The following CSMD1 variants were observed in gnomAD, a reference collection of about 807,000 sequenced individuals.
The protein encoded by CSMD1 is CUB and Sushi multiple domains 1, also known as CUB and sushi domain-containing protein 1.
Under a neutral mutation model 417.5 loss-of-function variants are expected in CSMD1, and 213 were observed. That is an observed-to-expected ratio of 0.51 (90% CI 0.46 to 0.57). CSMD1 has a LOEUF of 0.57. Ranked by LOEUF, CSMD1 falls within the 20% of genes least tolerant of loss-of-function variation. The probability of loss-of-function intolerance (pLI) is 0.00; values close to 1 mark genes in which losing one functional copy is unlikely to be tolerated. For synonymous variants in CSMD1, 2,862 were observed against 1,736.8 expected, an observed-to-expected ratio of 1.65 and a Z score of -16.11; for missense variants, 6,923 against 4,529.7, an observed-to-expected ratio of 1.53 and a Z score of -15.17.
intron 28 of CSMD1, among the ~76,000 whole-genome samples, chr8:3,221,470 C>A (rs746682986): frequency 1.3e-5 from 2 of 152,024 alleles, no homozygotes; most frequent in African/African-American, 4.8e-5. Context: ...CAATATTTGG[C>A]TTAGTTAATT....
intron 3 of CSMD1, among the ~76,000 whole-genome samples, chr8:4,213,533 C>G (rs948110496): frequency 6.6e-6 from 1 of 152,202 alleles, no homozygotes; most frequent in Non-Finnish European, 1.5e-5. Context: ...GTAGAAATGA[C>G]AGACACACAA....
intron 3 of CSMD1, among the ~76,000 whole-genome samples, chr8:4,390,284 G>A (rs1376999616): frequency 6.6e-6 from 1 of 151,958 alleles, no homozygotes; most frequent in Admixed American, 6.6e-5. Context: ...ACTGTCACGA[G>A]GAGCAATCAA....
intron 1 of CSMD1, among the ~76,000 whole-genome samples, chr8:4,705,854 G>T (rs550545823): frequency 6.6e-6 from 1 of 152,038 alleles, no homozygotes; most frequent in Non-Finnish European, 1.5e-5. Context: ...TGTCCTGGGG[G>T]CACTTTAAAA....
intron 10 of CSMD1, among the ~76,000 whole-genome samples, chr8:3,531,811 G>C (rs532897765): frequency 4.1e-4 from 63 of 152,318 alleles, no homozygotes; most frequent in Middle Eastern, 3.4e-3. Flanking sequence ...GCTTACACAG[G>C]GGGATGCCAG....
intron 6 of CSMD1, among the ~76,000 whole-genome samples, chr8:3,752,148 C>T (rs965298459): frequency 2.1e-4 from 32 of 152,248 alleles, no homozygotes; most frequent in African/African-American, 7.5e-4. Flanking sequence ...ACTACAGCCA[C>T]AGTATATGGC....
At chr8:4,396,501 G>A (rs544281239) in intron 3 of CSMD1, among the ~76,000 whole-genome samples, 4 of 152,084 alleles carry the variant, frequency 2.6e-5, no homozygotes, top group South Asian at 2.1e-4. Flanking sequence ...TGGATTTATC[G>A]ATTGCCAAAA....
intron 2 of CSMD1, among the ~76,000 whole-genome samples, chr8:4,445,981 G>A (rs938117262): frequency 6.6e-6 from 1 of 152,130 alleles, no homozygotes; most frequent in Non-Finnish European, 1.5e-5. Flanking sequence ...TAGCAACAAT[G>A]TCAGTGCCTC....
At chr8:4,868,081 A>C (rs555599420) in intron 1 of CSMD1, among the ~76,000 whole-genome samples, 1 of 152,162 alleles carries the variant, frequency 6.6e-6, no homozygotes, top group Non-Finnish European at 1.5e-5. Context: ...TTACTGGAAA[A>C]AGCAATTTAA....
intron 3 of CSMD1, among the ~76,000 whole-genome samples, chr8:4,140,344 C>A (rs898591314): frequency 6.6e-6 from 1 of 150,814 alleles, no homozygotes; most frequent in Admixed American, 6.6e-5. Context: ...TAAAACAATA[C>A]AAAATTAGCT....
intron 2 of CSMD1, among the ~76,000 whole-genome samples, chr8:4,600,435 A>G (rs1005147436): frequency 6.6e-6 from 1 of 152,216 alleles, no homozygotes; most frequent in Non-Finnish European, 1.5e-5. Context: ...TATTTCAGAA[A>G]TAAATTCAAG....
At chr8:3,409,331 C>G in intron 13 of CSMD1, 92 bp downstream of exon 13, 1 of 1,227,626 alleles carries the variant, frequency 8.1e-7, no homozygotes, top group Non-Finnish European at 1.1e-6. Context: ...AAGCTGCCCT[C>G]CCTAAATGGG....
intron 50 of CSMD1, among the ~76,000 whole-genome samples, chr8:3,031,301 C>G (rs146447656): frequency 9.5e-6 from 1 of 105,392 alleles, no homozygotes; most frequent in African/African-American, 3.7e-5. Context: ...ACATCACACT[C>G]TGGGGACTGT....
rs1208190879 is a variant in CSMD1, at chr8:3,396,297, G to T, written c.2490C>A (p.Gly830=). The T allele has an allele frequency of 5.6e-6, 9 of 1,605,052 alleles. No individual in the cohort carries two copies. Among genetic ancestry groups the T allele is most frequent in the Admixed American group, 1.7e-5 (1 of 58,852 alleles). The change falls in exon 17 of 70, where the codon GGC becomes GGA. Residue 830 remains glycine (G), a synonymous_variant. Transcript: ENST00000635120. Reference sequence around the variant, plus strand: ...TGATGAGGAACTGGGGTGCCTGGGTGCCGTGGTACTCGCCGATCAGTGGGG... The same window carrying T: ...TGATGAGGAACTGGGGTGCCTGGGTTCCGTGGTACTCGCCGATCAGTGGGG... The part of the protein sequence containing the change: ...SSSPLIGEYH[G]TQAPQFLIST...
At chr8:4,288,654 C>A (rs1212500935) in intron 3 of CSMD1, among the ~76,000 whole-genome samples, 1 of 152,126 alleles carries the variant, frequency 6.6e-6, no homozygotes, top group Non-Finnish European at 1.5e-5. Flanking sequence ...GCCGCCCTCC[C>A]CAATAAAATT....
intron 11 of CSMD1, among the ~76,000 whole-genome samples, chr8:3,480,455 T>A (rs147590963): frequency 1.4e-4 from 21 of 152,226 alleles, no homozygotes; most frequent in African/African-American, 4.1e-4. Flanking sequence ...GAAAAAAGAA[T>A]CCAACTATTT....
At chr8:4,778,427 T>G (rs1796982492) in intron 1 of CSMD1, among the ~76,000 whole-genome samples, 1 of 152,216 alleles carries the variant, frequency 6.6e-6, no homozygotes, top group Admixed American at 6.5e-5. Context: ...GGTGGTAATT[T>G]GAAGTACCTG....
intron 26 of CSMD1, among the ~76,000 whole-genome samples, chr8:3,258,641 C>G (rs1800832127): frequency 6.6e-6 from 1 of 152,148 alleles, no homozygotes; most frequent in Admixed American, 6.5e-5. Context: ...CACATGCATG[C>G]ATATGTTCAG....
chr8:4,200,392 G>T (rs6558855), intron 3 of CSMD1, among the ~76,000 whole-genome samples: 13,864 of 151,988 alleles, frequency 0.091, 896 homozygotes, highest in African/African-American at 0.18. Flanking sequence ...TTAAAAAGCA[G>T]AAAAAAATTA....
At chr8:4,128,377 A>G (rs949083666) in intron 3 of CSMD1, among the ~76,000 whole-genome samples, 1 of 152,230 alleles carries the variant, frequency 6.6e-6, no homozygotes, top group Non-Finnish European at 1.5e-5. Context: ...GATGGTAAAC[A>G]GTACCTTCGA....
Sources: allele counts gnomAD v4.1 joint callset (sites outside exome capture counted in the v4.1 genomes callset), GRCh38; gene constraint gnomAD v4.1.1; transcripts MANE v1.5; gene names NCBI Gene and HGNC (gene_info 2026-07-23, HGNC 2026-07-21).